Variants in ENOX1 observed in about 807,000 individuals in gnomAD.
ENOX1 encodes the protein candidate growth-related and time keeping constitutive hydroquinone (NADH) oxidase.
Under a neutral mutation model 82.5 loss-of-function variants are expected in ENOX1, and 42 were observed. The observed-to-expected ratio is 0.51, with a 90% CI of 0.40 to 0.66. The LOEUF is 0.66. Among genes scored for constraint, ENOX1 ranks in the 30% least tolerant of loss-of-function variants. The pLI is 0.00. For synonymous variants in ENOX1, 271 were observed against 282.2 expected (o/e 0.96, Z 0.40); for missense variants, 608 against 811.6 (o/e 0.75, Z 3.05).
intron 9 of ENOX1, among the ~76,000 whole-genome samples, chr13:43,328,489 T>C (rs1236147964): frequency 1.3e-5 from 2 of 152,196 alleles, no homozygotes; most frequent in African/African-American, 4.8e-5. Context: ...GGGTTGAGAC[T>C]GAGTGTTTGG....
At chr13:43,660,926 G>A (rs1208858752) in intron 2 of ENOX1, among the ~76,000 whole-genome samples, 1 of 152,140 alleles carries the variant, frequency 6.6e-6, no homozygotes, top group Admixed American at 6.5e-5. Context: ...TTACAACACA[G>A]CTGTTTTAAG....
At chr13:43,541,347 A>G (rs2078718630) in intron 2 of ENOX1, among the ~76,000 whole-genome samples, 1 of 151,878 alleles carries the variant, frequency 6.6e-6, no homozygotes, top group South Asian at 2.1e-4. Flanking sequence ...AAAACAATTT[A>G]AAAACTAGCC....
At chr13:43,471,231 G>A (rs889707888) in intron 3 of ENOX1, among the ~76,000 whole-genome samples, 6 of 152,192 alleles carry the variant, frequency 3.9e-5, no homozygotes, top group African/African-American at 1.2e-4. Context: ...AGTATATAGA[G>A]TATGGTTCCA....
At chr13:43,506,845 G>A (rs1438785571) in intron 2 of ENOX1, among the ~76,000 whole-genome samples, 1 of 151,086 alleles carries the variant, frequency 6.6e-6, no homozygotes, top group Admixed American at 6.6e-5. Context: ...GTGGGGTGGG[G>A]GGACGGGGGA....
At chr13:43,676,559 A>C (rs1261432373) in intron 1 of ENOX1, among the ~76,000 whole-genome samples, 1 of 152,142 alleles carries the variant, frequency 6.6e-6, no homozygotes, top group Non-Finnish European at 1.5e-5. Flanking sequence ...TTCCTACTAA[A>C]TGTGGGTTGG....
At position 43,676,637 on chromosome 13, in the gene ENOX1, C is replaced by A. The variant is rs459907; in HGVS notation, c.-284-9093G>T. Among the ~76,000 whole-genome samples, 934 of 152,118 alleles carry A rather than the reference C, an allele frequency of 6.1e-3. 9 individuals carry two copies. The highest frequency in any genetic ancestry group is 0.021 in the African/African-American group (890 of 41,506). ...CTCTAATAATATTTTTCCAAAGGACCCCTACCTTGCAAGCACAGTCCCACT... is the reference window on the plus strand; with the variant it reads ...CTCTAATAATATTTTTCCAAAGGACACCTACCTTGCAAGCACAGTCCCACT... On this transcript the variant is annotated intron_variant, in intron 1 of 16. Coordinates refer to ENST00000690772, the MANE Select transcript of ENOX1 (RefSeq NM_001347969.2).
chr13:43,544,234 G>C (rs1278010968), intron 2 of ENOX1: 1 of 152,006 alleles, frequency 6.6e-6, no homozygotes, highest in African/African-American at 2.4e-5. Context: ...TCACTTTCTT[G>C]CTGTATAAAC....
intron 2 of ENOX1, among the ~76,000 whole-genome samples, chr13:43,626,347 T>A (rs959026055): frequency 6.6e-6 from 1 of 151,886 alleles, no homozygotes; most frequent in Non-Finnish European, 1.5e-5. Context: ...TATCTTTATC[T>A]CCCTTTTTCT....
intron 1 of ENOX1, among the ~76,000 whole-genome samples, chr13:43,711,172 T>G (rs943552276): frequency 9.3e-5 from 14 of 150,838 alleles, no homozygotes; most frequent in South Asian, 2.1e-4. Context: ...ATGCGGTGTT[T>G]GGTTTTTTGT....
At chr13:43,290,757 C>A (rs113559628) in intron 12 of ENOX1, among the ~76,000 whole-genome samples, 1 of 152,146 alleles carries the variant, frequency 6.6e-6, no homozygotes, top group African/African-American at 2.4e-5. Context: ...CTGGGTGCAG[C>A]GGCTCCCGCC....
At chr13:43,718,630 TAGTGCCACTGCACTCC>T (rs2088319883) in intron 1 of ENOX1, among the ~76,000 whole-genome samples, 1 of 135,340 alleles carries the variant, frequency 7.4e-6, no homozygotes, top group African/African-American at 3.0e-5. Context: ...TGAGCCAAGA[TAGTGCCACTGCACTCC>T]AGCCTGGGAG....
intron 5 of ENOX1, among the ~76,000 whole-genome samples, chr13:43,362,048 A>T (rs2050553544): frequency 6.6e-6 from 1 of 151,956 alleles, no homozygotes; most frequent in Non-Finnish European, 1.5e-5. Flanking sequence ...ATGCAGGCAT[A>T]AAATTAGCTA....
intron 2 of ENOX1, among the ~76,000 whole-genome samples, chr13:43,543,531 TAA>T: frequency 6.6e-6 from 1 of 151,914 alleles, no homozygotes; most frequent in Non-Finnish European, 1.5e-5. Flanking sequence ...CTAGAGTATT[TAA>T]GGTTCCCTGC....
chr13:43,577,771 A>C (rs1027134593), intron 2 of ENOX1, among the ~76,000 whole-genome samples: 1 of 152,186 alleles, frequency 6.6e-6, no homozygotes, highest in Non-Finnish European at 1.5e-5. Flanking sequence ...TAGAAGGAGG[A>C]ATATTGCAGA....
chr13:43,615,517 T>G (rs1184892777), intron 2 of ENOX1, among the ~76,000 whole-genome samples: 1 of 152,120 alleles, frequency 6.6e-6, no homozygotes, highest in Non-Finnish European at 1.5e-5. Flanking sequence ...GCCTCAAAAA[T>G]TACATAATCT....
Position 43,540,456 on chromosome 13 carries a change from T to G in ENOX1, c.-218-56304A>C, listed in dbSNP as rs557843625. Among the ~76,000 whole-genome samples, 3 of 152,188 alleles carry G rather than the reference T, an allele frequency of 2.0e-5. No individual in the cohort carries two copies. In the East Asian group the frequency reaches 5.8e-4, roughly 29 times the overall value. On this transcript the variant is annotated intron_variant, in intron 2 of 16. Coordinates refer to ENST00000690772, the MANE Select transcript of ENOX1 (RefSeq NM_001347969.2). ...ACAAGTTGAAAAAAAGAAAAAAAAC[T>G]AAAAACAAGTATTGGCAGCATGATA...
chr13:43,678,239 T>G (rs1296749256), intron 1 of ENOX1, among the ~76,000 whole-genome samples: 1 of 152,204 alleles, frequency 6.6e-6, no homozygotes, highest in Non-Finnish European at 1.5e-5. Flanking sequence ...AATTTTGAAT[T>G]CATGTCTAGT....
intron 3 of ENOX1, among the ~76,000 whole-genome samples, chr13:43,463,186 T>TACAC (rs56137984): frequency 3.3e-5 from 5 of 151,588 alleles, no homozygotes; most frequent in Admixed American, 1.3e-4. Flanking sequence ...CTAACCTTTA[T>TACAC]ACACACACAC....
At chr13:43,241,459 A>T (rs74065622) in intron 14 of ENOX1, among the ~76,000 whole-genome samples, 7,382 of 152,274 alleles carry the variant, frequency 0.048, 247 homozygotes, top group East Asian at 0.15. Context: ...TGGTATACAA[A>T]GTACACAGCG....
Sources: gnomAD v4.1 joint callset for allele counts (sites outside exome capture counted in the v4.1 genomes callset) on GRCh38, gnomAD v4.1.1 for gene constraint, MANE v1.5 for transcripts, NCBI Gene and HGNC (gene_info 2026-07-23, HGNC 2026-07-21) for gene names.